Variants in UGGT2 observed in about 807,000 individuals in gnomAD.
UGGT2 encodes UDP-glucose:glycoprotein glucosyltransferase 2.
Under a neutral mutation model 192.1 loss-of-function variants are expected in UGGT2, and 180 were observed. That is an observed-to-expected ratio of 0.94 (90% CI 0.83 to 1.06). The LOEUF is 1.06. Ranked by LOEUF, UGGT2 falls within the 50% of genes least tolerant of loss-of-function variation. The pLI, the probability that UGGT2 is intolerant of heterozygous loss-of-function variation, is 0.00. For missense variants in UGGT2, 1,849 were observed against 1,795.7 expected (o/e 1.03, Z -0.54); for synonymous variants, 580 against 591.0 (o/e 0.98, Z 0.27).
intron 38 of UGGT2, among the ~76,000 whole-genome samples, chr13:95,825,340 A>C (rs1217769820): frequency 6.6e-6 from 1 of 152,140 alleles, no homozygotes; most frequent in Non-Finnish European, 1.5e-5. Flanking sequence ...GCCTTGATGA[A>C]GGTGGCTGAG....
At chr13:95,877,410 A>G in intron 28 of UGGT2, 46 bp from the exon 29 acceptor site, 1 of 1,454,360 alleles carries the variant, frequency 6.9e-7, no homozygotes, top group Non-Finnish European at 9.5e-7. Flanking sequence ...ATGACTAAAA[A>G]CCATCGAATT....
intron 10 of UGGT2, among the ~76,000 whole-genome samples, chr13:95,981,525 A>T (rs2051125015): frequency 6.6e-6 from 1 of 152,294 alleles, no homozygotes; most frequent in East Asian, 1.9e-4. Context: ...GACCCAGAGG[A>T]AAATCCTTCA....
rs539740157 is a variant in UGGT2 at position 95,905,821 on chromosome 13, C to T, written c.2296-2761G>A. Among the ~76,000 whole-genome samples the T allele has an allele frequency of 3.9e-5, 6 of 152,166 alleles. No homozygotes were observed. In the South Asian group the frequency reaches 1.2e-3, roughly 32 times the overall value. ...ATATGAACTTTAAAGTATACATTAT[C>T]TTTAAGAAGATTTATTGTTTTGCCT... On this transcript the variant is annotated intron_variant, in intron 20 of 38. Coordinates refer to ENST00000376747, the MANE Select transcript of UGGT2 (RefSeq NM_020121.4).
At chr13:95,899,196 C>T (rs1473962627) in intron 22 of UGGT2, among the ~76,000 whole-genome samples, 1 of 152,170 alleles carries the variant, frequency 6.6e-6, no homozygotes, top group Non-Finnish European at 1.5e-5. Flanking sequence ...CATGGCAGCA[C>T]GTCAGCCTTA....
intron 22 of UGGT2, among the ~76,000 whole-genome samples, chr13:95,900,582 T>C (rs969844625): frequency 2.0e-5 from 3 of 152,170 alleles, no homozygotes; most frequent in African/African-American, 7.2e-5. Flanking sequence ...AAGAACATTC[T>C]TCCTTACCCA....
Position 95,947,739 on chromosome 13 carries a change from T to C in UGGT2, c.1541+257A>G, listed in dbSNP as rs1204249967. 2.6e-5 allele frequency among the ~76,000 whole-genome samples: 4 copies of C among 152,170 alleles called. No homozygotes were observed. The East Asian group carries it at 7.7e-4, about 29-fold the overall frequency. On this transcript the variant is annotated intron_variant, in intron 14 of 38. Transcript: ENST00000376747. ...CCAAAGTGCTGGGATTACAAGCATA[T>C]GAAGCTGGACCTTTCTATAAGTTTC...
intron 20 of UGGT2, among the ~76,000 whole-genome samples, chr13:95,911,333 G>A (rs758756419): frequency 1.3e-5 from 2 of 152,024 alleles, no homozygotes; most frequent in South Asian, 2.1e-4. Context: ...TTGATAGACT[G>A]CTAGCAAGAC....
intron 12 of UGGT2, among the ~76,000 whole-genome samples, chr13:95,956,597 G>C (rs920685632): frequency 2.6e-5 from 4 of 152,144 alleles, no homozygotes; most frequent in Non-Finnish European, 5.9e-5. Flanking sequence ...AATGTAATGA[G>C]AACCACAATG....
rs753765101 is a variant in UGGT2, at chr13:95,927,282, C to T, written c.2032G>A (p.Val678Ile). ...AIDFLMDRNN[V>I]VPRINTLILR... ...ATCAAAGTATTTATACGGGGTACAA[C>T]ATTATTCCTATCCATTAGAAAATCA... The change falls in exon 18 of 39, where the codon GTT becomes ATT. Residue 678 changes from valine (V) to isoleucine (I), a missense_variant. Coordinates refer to ENST00000376747, the MANE Select transcript of UGGT2 (RefSeq NM_020121.4). 3.8e-5 allele frequency: 61 copies of T among 1,611,188 alleles called. 2 individuals carry two copies. Among genetic ancestry groups the T allele is most frequent in the South Asian group, 3.1e-4 (28 of 90,456 alleles).
intron 38 of UGGT2, among the ~76,000 whole-genome samples, chr13:95,802,208 A>G (rs1375441685): frequency 6.6e-6 from 1 of 152,228 alleles, no homozygotes; most frequent in Non-Finnish European, 1.5e-5. Flanking sequence ...CAGAGGACAT[A>G]TTAATATATA....
intron 15 of UGGT2, among the ~76,000 whole-genome samples, chr13:95,943,382 T>C (rs895444408): frequency 2.0e-5 from 3 of 152,002 alleles, no homozygotes; most frequent in Non-Finnish European, 4.4e-5. Context: ...TTCCAAATTT[T>C]CTCCACAAAA....
At chr13:95,995,091 T>C (rs1208849355) in intron 7 of UGGT2, among the ~76,000 whole-genome samples, 1 of 152,102 alleles carries the variant, frequency 6.6e-6, no homozygotes, top group African/African-American at 2.4e-5. Context: ...ATCTTTAAGA[T>C]TAATATGAAA....
chr13:95,858,913 TTC>T (rs1889888177), intron 33 of UGGT2, among the ~76,000 whole-genome samples: 3 of 152,204 alleles, frequency 2.0e-5, no homozygotes, highest in Admixed American at 2.0e-4. Context: ...CTAGTTTTAC[TTC>T]TGTTTTCCCA....
At chr13:95,854,953 T>C (rs1013976983) in intron 34 of UGGT2, among the ~76,000 whole-genome samples, 2 of 151,730 alleles carry the variant, frequency 1.3e-5, no homozygotes, top group Non-Finnish European at 2.9e-5. Context: ...TTTTTTAATA[T>C]GCTCAAGCCT....
Position 95,948,050 on chromosome 13 carries a change from G to GTA in UGGT2, c.1485_1486dup (p.Thr496IlefsTer6). 5 of 1,612,944 alleles carry GTA rather than the reference G, an allele frequency of 3.1e-6. No homozygotes were observed. Among genetic ancestry groups the GTA allele is most frequent in the African/African-American group, 1.3e-5 (1 of 74,958 alleles). On this transcript the variant is annotated frameshift_variant, in exon 14 of 39. Coordinates refer to ENST00000376747, the MANE Select transcript of UGGT2 (RefSeq NM_020121.4). LOFTEE classifies it high-confidence loss of function. ...ATCAGCAAGTTTTATAAAATCCAAG[G>GTA]TATATTCTTGGGCCGGATCAATAAA...
intron 12 of UGGT2, among the ~76,000 whole-genome samples, chr13:95,965,364 G>A (rs2140736727): frequency 1.3e-5 from 2 of 151,118 alleles, no homozygotes; most frequent in Admixed American, 1.3e-4. Flanking sequence ...ATGATAGACT[G>A]GATTAAGAAA....
At chr13:95,850,239 C>T (rs998341078) in intron 36 of UGGT2, among the ~76,000 whole-genome samples, 8 of 152,016 alleles carry the variant, frequency 5.3e-5, no homozygotes, top group African/African-American at 1.2e-4. Context: ...TAATGAAGTA[C>T]ATGAATGTAG....
At chr13:95,847,055 TC>T (rs1471178386) in intron 36 of UGGT2, among the ~76,000 whole-genome samples, 13 of 72,566 alleles carry the variant, frequency 1.8e-4, no homozygotes, top group East Asian at 5.1e-4. Context: ...TCTTTTCTTT[TC>T]TTTTCTTTTT....
chr13:95,973,454 AT>A (rs746403586), intron 10 of UGGT2, among the ~76,000 whole-genome samples: 3 of 152,146 alleles, frequency 2.0e-5, no homozygotes. Flanking sequence ...GCACATTCCT[AT>A]TTCTTGAGGC....
Sources: gnomAD v4.1 joint callset for allele counts (sites outside exome capture counted in the v4.1 genomes callset) on GRCh38, gnomAD v4.1.1 for gene constraint, MANE v1.5 for transcripts, NCBI Gene and HGNC (gene_info 2026-07-23, HGNC 2026-07-21) for gene names.